SAMD4A: variants seen among roughly 807,000 people sequenced by gnomAD.
SAMD4A encodes the protein sterile alpha motif domain containing 4A, also known as protein Smaug homolog 1.
SAMD4A carries 33 observed loss-of-function variants against 81.3 expected under a neutral mutation model. That is an observed-to-expected ratio of 0.41 (90% CI 0.31 to 0.54). SAMD4A has a LOEUF of 0.54. SAMD4A is among the 20% of genes least tolerant of loss of function. The pLI, the probability that SAMD4A is intolerant of heterozygous loss-of-function variation, is 0.37. For missense variants in SAMD4A, 854 were observed against 951.1 expected, an observed-to-expected ratio of 0.90 and a Z score of 1.34; for synonymous variants, 389 against 382.1, an observed-to-expected ratio of 1.02 and a Z score of -0.21.
Position 54,575,739 on chromosome 14 carries a change from G to A in SAMD4A, c.196+7627G>A, listed in dbSNP as rs943449049. ...AAAAATCTTTTCAAGTTTTACTTAC[G>A]CATGTAAGCACTGAAATACTGACGC... On this transcript the variant is annotated intron_variant, in intron 2 of 12. Transcript: ENST00000554335. 3.2e-4 allele frequency among the ~76,000 whole-genome samples: 49 copies of A among 152,252 alleles called. 1 individual carries two copies. Among genetic ancestry groups the A allele is most frequent in the Middle Eastern group, 3.4e-3 (1 of 294 alleles).
At chr14:54,673,309 A>G (rs1402653640) in intron 2 of SAMD4A, among the ~76,000 whole-genome samples, 1 of 152,186 alleles carries the variant, frequency 6.6e-6, no homozygotes, top group Admixed American at 6.5e-5. Context: ...GGGCCTGTTT[A>G]ATATATTATG....
rs1215073267 is a variant in SAMD4A, at chr14:54,579,626, C to G, written c.196+11514C>G. Among the ~76,000 whole-genome samples, 3 of 152,084 alleles carry G rather than the reference C, an allele frequency of 2.0e-5. No homozygotes were observed. The East Asian group carries it at 5.8e-4, about 29-fold the overall frequency. Reference sequence around the variant, plus strand: ...CTTATGACATTTTAACTCTCCATAGCTTGGTATGGCTTAGCTTTGTTTTTC... The same window carrying G: ...CTTATGACATTTTAACTCTCCATAGGTTGGTATGGCTTAGCTTTGTTTTTC... On this transcript the variant is annotated intron_variant, in intron 2 of 12. Transcript: ENST00000554335.
chr14:54,715,721 A>G (rs1320623118), intron 3 of SAMD4A, among the ~76,000 whole-genome samples: 1 of 152,168 alleles, frequency 6.6e-6, no homozygotes, highest in African/African-American at 2.4e-5. Context: ...GAAAAAGAAG[A>G]TAGCCTAAAA....
intron 2 of SAMD4A, among the ~76,000 whole-genome samples, chr14:54,605,269 CA>C (rs112722076): frequency 5.6e-5 from 8 of 143,928 alleles, no homozygotes; most frequent in South Asian, 4.4e-4. Context: ...CTGGAGAAAG[CA>C]AAAAAAAAAC....
At chr14:54,732,905 C>G (rs978116425) in intron 3 of SAMD4A, among the ~76,000 whole-genome samples, 3 of 152,106 alleles carry the variant, frequency 2.0e-5, no homozygotes, top group Admixed American at 2.0e-4. Context: ...TTTCCTGACT[C>G]TTATTTCAAT....
rs1261409486 is a variant in SAMD4A, at chr14:54,723,399, C to T, written c.716-13625C>T. Among the ~76,000 whole-genome samples the T allele has an allele frequency of 2.6e-5, 4 of 152,184 alleles. No individual in the cohort carries two copies. The East Asian group carries it at 7.7e-4, about 29-fold the overall frequency. On this transcript the variant is annotated intron_variant, in intron 3 of 12. Coordinates refer to ENST00000554335, the MANE Select transcript of SAMD4A (RefSeq NM_015589.6). The stretch of plus-strand genomic sequence containing the variant: ...TTGCATGGAATAGCCAACTTGCAGA[C>T]AGGGAAACAATATGTTTACCACAGA...
chr14:54,593,807 C>T (rs771108404), intron 2 of SAMD4A, among the ~76,000 whole-genome samples: 1 of 152,098 alleles, frequency 6.6e-6, no homozygotes, highest in Non-Finnish European at 1.5e-5. Flanking sequence ...GAGGTGCATT[C>T]TCAGGCAGTG....
intron 2 of SAMD4A, among the ~76,000 whole-genome samples, chr14:54,588,620 T>G (rs535926868): frequency 1.0e-3 from 153 of 152,302 alleles, no homozygotes; most frequent in Non-Finnish European, 1.9e-3. Context: ...ATGGATATTG[T>G]TAAAAACAAA....
At chr14:54,681,466 G>C (rs2036126582) in intron 2 of SAMD4A, among the ~76,000 whole-genome samples, 1 of 152,132 alleles carries the variant, frequency 6.6e-6, no homozygotes, top group South Asian at 2.1e-4. Flanking sequence ...GACTCGCTCT[G>C]TTACCCAGGC....
intron 9 of SAMD4A, among the ~76,000 whole-genome samples, chr14:54,773,124 G>T (rs1473801477): frequency 6.6e-6 from 1 of 152,206 alleles, no homozygotes; most frequent in Non-Finnish European, 1.5e-5. Flanking sequence ...CCAAAGCCTG[G>T]AAGTAGAAAG....
intron 11 of SAMD4A, among the ~76,000 whole-genome samples, chr14:54,780,424 G>C (rs1252477023): frequency 1.3e-5 from 2 of 152,188 alleles, no homozygotes; most frequent in Non-Finnish European, 2.9e-5. Flanking sequence ...TCCTTCCGGA[G>C]AACTGCCTTT....
At chr14:54,676,554 T>A (rs1025754402) in intron 2 of SAMD4A, among the ~76,000 whole-genome samples, 1 of 152,108 alleles carries the variant, frequency 6.6e-6, no homozygotes, top group African/African-American at 2.4e-5. Context: ...TTTTTTTTTT[T>A]TTATTTCTAG....
intron 8 of SAMD4A, among the ~76,000 whole-genome samples, chr14:54,766,359 G>T (rs2139890465): frequency 6.6e-6 from 1 of 151,884 alleles, no homozygotes; most frequent in East Asian, 1.9e-4. Flanking sequence ...AGAGAATTAG[G>T]CAGGTTACAG....
intron 2 of SAMD4A, chr14:54,686,010 G>C: frequency 2.7e-6 from 1 of 377,122 alleles, no homozygotes; most frequent in Admixed American, 3.2e-5. Flanking sequence ...GTCCTATGTA[G>C]TCTCAGGGAG....
At chr14:54,747,508 G>A (rs556525936) in intron 4 of SAMD4A, among the ~76,000 whole-genome samples, 6 of 152,282 alleles carry the variant, frequency 3.9e-5, no homozygotes, top group East Asian at 1.9e-4. Context: ...GAAGGTGCTC[G>A]CTTGTTTTGG....
rs1261190097 is a variant in SAMD4A at position 54,770,175 on chromosome 14, C to G, written c.1668C>G (p.Phe556Leu). Residue 556 changes from phenylalanine to leucine, a missense_variant, in exon 9 of 13, where the codon TTC becomes TTG. Physicochemically the swap from Phe to Leu is conservative, Grantham distance 22 (BLOSUM62 0). Coordinates refer to ENST00000554335, the MANE Select transcript of SAMD4A (RefSeq NM_015589.6). ...KQQVQKLFRSFPRKTLLDISG... is the reference protein window; with the variant it reads ...KQQVQKLFRSLPRKTLLDISG... ...AGGTGCAGAAGCTCTTTCGGTCTTTCCCTCGGAAAACCCTTCTAGACATAT... is the reference window on the plus strand; with the variant it reads ...AGGTGCAGAAGCTCTTTCGGTCTTTGCCTCGGAAAACCCTTCTAGACATAT... The G allele has an allele frequency of 6.2e-7, 1 of 1,614,096 alleles. No individual in the cohort carries two copies. Among genetic ancestry groups the G allele is most frequent in the Non-Finnish European group, 8.5e-7 (1 of 1,179,934 alleles).
chr14:54,728,574 T>G (rs2037482783), intron 3 of SAMD4A, among the ~76,000 whole-genome samples: 1 of 152,224 alleles, frequency 6.6e-6, no homozygotes, highest in African/African-American at 2.4e-5. Context: ...TGTGTATTGT[T>G]GCATTTGACA....
At chr14:54,691,751 A>G (rs74342630) in intron 2 of SAMD4A, among the ~76,000 whole-genome samples, 273 of 152,238 alleles carry the variant, frequency 1.8e-3, no homozygotes, top group Non-Finnish European at 2.8e-3. Flanking sequence ...AGCTCCCTCT[A>G]CAGGGCTGTG....
intron 2 of SAMD4A, among the ~76,000 whole-genome samples, chr14:54,626,018 GTGTGTGT>G (rs2034738700): frequency 5.8e-5 from 2 of 34,578 alleles, no homozygotes; most frequent in Admixed American, 2.6e-4. Context: ...ACTGCTAGGT[GTGTGTGT>G]GTGTGTGTGT....
Sources: allele counts gnomAD v4.1 joint callset (sites outside exome capture counted in the v4.1 genomes callset), GRCh38; gene constraint gnomAD v4.1.1; transcripts MANE v1.5; gene names NCBI Gene and HGNC (gene_info 2026-07-23, HGNC 2026-07-21).